C10orf143: variants seen among roughly 807,000 people sequenced by gnomAD.
C10orf143 encodes uncharacterized protein C10orf143.
At chr10:130,095,107 G>C (rs1052028789) in intron 1 of C10orf143, among the ~76,000 whole-genome samples, 1 of 151,946 alleles carries the variant, frequency 6.6e-6, no homozygotes, top group African/African-American at 2.4e-5. Context: ...GCCAAATCAT[G>C]AGTGAACTCC....
intron 3 of C10orf143, among the ~76,000 whole-genome samples, chr10:130,037,186 T>C (rs953998294): frequency 6.6e-6 from 1 of 152,172 alleles, no homozygotes; most frequent in Non-Finnish European, 1.5e-5. Context: ...CTCTGCCCTG[T>C]GGGAGGAGAT....
intron 3 of C10orf143, among the ~76,000 whole-genome samples, chr10:130,046,686 C>A (rs7909210): frequency 6.6e-6 from 1 of 152,106 alleles, no homozygotes; most frequent in African/African-American, 2.4e-5. Context: ...CTGCCGTCTC[C>A]GCGCTGCGGG....
intron 3 of C10orf143, among the ~76,000 whole-genome samples, chr10:130,071,994 A>C (rs1861041990): frequency 6.6e-6 from 1 of 150,568 alleles, no homozygotes. Context: ...ATTAACTCCC[A>C]CCCCCACCTC....
At chr10:130,036,585 C>G (rs1457943577) in intron 3 of C10orf143, among the ~76,000 whole-genome samples, 2 of 152,222 alleles carry the variant, frequency 1.3e-5, no homozygotes, top group Non-Finnish European at 2.9e-5. Flanking sequence ...GAAGCGGCCC[C>G]CATCTCGCCA....
At chr10:130,046,721 G>A (rs938996771) in intron 3 of C10orf143, among the ~76,000 whole-genome samples, 1 of 152,216 alleles carries the variant, frequency 6.6e-6, no homozygotes, top group African/African-American at 2.4e-5. Flanking sequence ...TCTGGGAGGG[G>A]CCTTGGGCCA....
chr10:130,109,824 A>T (rs970349088), intron 1 of C10orf143, among the ~76,000 whole-genome samples: 1 of 152,032 alleles, frequency 6.6e-6, no homozygotes, highest in Non-Finnish European at 1.5e-5. Flanking sequence ...CGGATCCTGC[A>T]CTTACCAAGC....
intron 3 of C10orf143, among the ~76,000 whole-genome samples, chr10:130,069,270 A>G (rs1590016514): frequency 6.6e-6 from 1 of 152,224 alleles, no homozygotes; most frequent in Non-Finnish European, 1.5e-5. Flanking sequence ...GACTGTCAGC[A>G]CCTGTTACTC....
chr10:130,086,892 G>A (rs1451752795), intron 1 of C10orf143, among the ~76,000 whole-genome samples: 4 of 152,172 alleles, frequency 2.6e-5, no homozygotes, highest in Non-Finnish European at 5.9e-5. Flanking sequence ...AATGGCCCTT[G>A]GCACATTAAG....
At chr10:130,058,526 G>T (rs1359841632) in intron 3 of C10orf143, among the ~76,000 whole-genome samples, 4 of 150,104 alleles carry the variant, frequency 2.7e-5, no homozygotes, top group African/African-American at 9.8e-5. Flanking sequence ...GTAGAAATTT[G>T]ATCAAAATTT....
intron 1 of C10orf143, chr10:130,105,973 G>T: frequency 5.0e-6 from 2 of 399,370 alleles, no homozygotes; most frequent in South Asian, 2.0e-5. Context: ...GGTTCCGGAC[G>T]CAAGGCTGCG....
intron 1 of C10orf143, among the ~76,000 whole-genome samples, chr10:130,100,654 AT>A (rs1458085681): frequency 7.9e-5 from 12 of 152,248 alleles, no homozygotes; most frequent in Non-Finnish European, 1.6e-4. Context: ...TAAAAATCAA[AT>A]GTTATGAGAT....
intron 3 of C10orf143, among the ~76,000 whole-genome samples, chr10:130,046,440 A>C (rs887280592): frequency 1.3e-5 from 2 of 151,758 alleles, no homozygotes; most frequent in African/African-American, 4.8e-5. Context: ...AATTCCTCTT[A>C]ATTATGTGTG....
At chr10:130,037,293 C>T (rs1860555290) in intron 3 of C10orf143, among the ~76,000 whole-genome samples, 1 of 152,232 alleles carries the variant, frequency 6.6e-6, no homozygotes, top group African/African-American at 2.4e-5. Context: ...TAACTAAGCA[C>T]TGCCGCTTTC....
intron 1 of C10orf143, among the ~76,000 whole-genome samples, chr10:130,087,811 C>A (rs150283662): frequency 6.6e-6 from 1 of 152,282 alleles, no homozygotes; most frequent in East Asian, 1.9e-4. Context: ...CCAGAGAACA[C>A]GGAGCAGGGT....
At chr10:130,100,971 A>C (rs1861539312) in intron 1 of C10orf143, 1 of 152,108 alleles carries the variant, frequency 6.6e-6, no homozygotes, top group Non-Finnish European at 1.5e-5. Flanking sequence ...TAATCCCAGC[A>C]TTTTGGGAGG....
At chr10:130,089,576 T>C (rs1277535212) in intron 1 of C10orf143, among the ~76,000 whole-genome samples, 2 of 152,016 alleles carry the variant, frequency 1.3e-5, no homozygotes, top group African/African-American at 4.8e-5. Context: ...AGTGGAGAAA[T>C]AAGACTGAAA....
chr10:130,063,525 T>A (rs1860880585), downstream of C10orf143, among the ~76,000 whole-genome samples: 1 of 152,124 alleles, frequency 6.6e-6, no homozygotes, highest in Non-Finnish European at 1.5e-5. Context: ...ATATCCCAGG[T>A]GGTGCTGTAC....
intron 1 of C10orf143, chr10:130,107,254 T>C (rs145120760): frequency 2.0e-5 from 25 of 1,221,870 alleles, no homozygotes; most frequent in African/African-American, 8.9e-5. Flanking sequence ...TAGAGGAAAA[T>C]AGCCGGTTAG....
At position 130,078,340 on chromosome 10, in the gene C10orf143, A is replaced by G. The variant is rs1861153491; in HGVS notation, c.297+1226T>C. ...ATTCCATGGAAATGGGGTGGGGACA[A>G]AGAAGGCACCGGTCAGTCATCGGCA... On this transcript the variant is annotated intron_variant, in intron 3 of 3. Transcript: ENST00000637128. 2.0e-5 allele frequency among the ~76,000 whole-genome samples: 3 copies of G among 152,188 alleles called. No homozygotes were observed. In the South Asian group the frequency reaches 6.2e-4, roughly 31 times the overall value.
Sources: allele counts gnomAD v4.1 joint callset (sites outside exome capture counted in the v4.1 genomes callset), GRCh38; gene constraint gnomAD v4.1.1; transcripts MANE v1.5; gene names NCBI Gene and HGNC (gene_info 2026-07-23, HGNC 2026-07-21).